Variants in SPATS2L observed in about 807,000 individuals in gnomAD.
The protein encoded by SPATS2L is SPATS2-like protein.
Under a neutral mutation model 59.6 loss-of-function variants are expected in SPATS2L, and 30 were observed. That is an observed-to-expected ratio of 0.50 (90% CI 0.38 to 0.68). The LOEUF is 0.68. SPATS2L is among the 30% of genes least tolerant of loss of function. The pLI is 0.00. For missense variants in SPATS2L, 615 were observed against 700.0 expected (o/e 0.88, Z 1.37); for synonymous variants, 252 against 263.5 (o/e 0.96, Z 0.42).
chr2:200,313,996 C>G (rs2079277830), intron 1 of SPATS2L, among the ~76,000 whole-genome samples: 1 of 152,204 alleles, frequency 6.6e-6, no homozygotes, highest in South Asian at 2.1e-4. Context: ...TTAGCCTCCC[C>G]TACAGTTCAG....
intron 2 of SPATS2L, among the ~76,000 whole-genome samples, chr2:200,340,599 GCTGTGGAGAGGCACAGCC>G (rs1268243411): frequency 1.3e-5 from 2 of 152,066 alleles, no homozygotes; most frequent in Non-Finnish European, 2.9e-5. Context: ...GGTGGGGAGG[GCTGTGGAGAGGCACAGCC>G]CTTTCTGCTC....
chr2:200,478,500 T>C lies in SPATS2L; in HGVS notation c.*469T>C, dbSNP rs1004411135. On this transcript the variant is annotated 3_prime_UTR_variant, in exon 13 of 13. Coordinates refer to ENST00000409140, the MANE Select transcript of SPATS2L (RefSeq NM_001100423.2). ...AAATATATATACATATATTGCTTTA[T>C]TTGAAACAAATTAAAATATGCTGCA... The C allele has an allele frequency of 2.0e-5, 3 of 152,906 alleles. No homozygotes were observed. Among genetic ancestry groups the C allele is most frequent in the African/African-American group, 2.4e-5 (1 of 41,468 alleles). 9.5% of individuals were successfully genotyped at this position (152,906 alleles called of 1,614,324 possible).
chr2:200,345,223 A>G (rs908630728), intron 2 of SPATS2L, among the ~76,000 whole-genome samples: 2 of 152,176 alleles, frequency 1.3e-5, no homozygotes, highest in African/African-American at 2.4e-5. Context: ...TCTAAGTCTA[A>G]TCCATCTTGA....
At chr2:200,425,143 C>G (rs1005444685) in intron 6 of SPATS2L, among the ~76,000 whole-genome samples, 1 of 118,980 alleles carries the variant, frequency 8.4e-6, no homozygotes, top group Non-Finnish European at 1.8e-5. Context: ...CCCCCCCCCC[C>G]GCCATTTGTG....
intron 8 of SPATS2L, among the ~76,000 whole-genome samples, chr2:200,457,054 G>C (rs2085887007): frequency 6.6e-6 from 1 of 151,938 alleles, no homozygotes. Context: ...TTCAAAACAT[G>C]TCCTCAAGCA....
intron 1 of SPATS2L, among the ~76,000 whole-genome samples, chr2:200,326,304 A>G (rs2079740059): frequency 6.6e-6 from 1 of 152,182 alleles, no homozygotes; most frequent in African/African-American, 2.4e-5. Flanking sequence ...GCTGTTTTCC[A>G]TAATATATTC....
upstream of SPATS2L, chr2:200,306,323 G>C (rs780240774): frequency 4.0e-6 from 4 of 1,002,358 alleles, no homozygotes; most frequent in Non-Finnish European, 4.8e-6. Context: ...TGCAACACGT[G>C]CGGATTGTGA....
chr2:200,424,683 C>T (rs1440393641), intron 6 of SPATS2L, among the ~76,000 whole-genome samples: 2 of 152,102 alleles, frequency 1.3e-5, no homozygotes, highest in African/African-American at 4.8e-5. Flanking sequence ...CCACTTAGGC[C>T]AGAATAGGAA....
chr2:200,309,230 A>G, intron 1 of SPATS2L: 1 of 698,376 alleles, frequency 1.4e-6, no homozygotes, highest in Non-Finnish European at 2.6e-6. Flanking sequence ...GTGTGTTGAA[A>G]GGGCATAGGT....
intron 2 of SPATS2L, among the ~76,000 whole-genome samples, chr2:200,346,312 G>A (rs2080510309): frequency 6.6e-6 from 1 of 152,174 alleles, no homozygotes; most frequent in South Asian, 2.1e-4. Flanking sequence ...ACTTCTTGGG[G>A]AACATTAGAA....
intron 1 of SPATS2L, among the ~76,000 whole-genome samples, chr2:200,325,722 A>C (rs1454651266): frequency 6.6e-6 from 1 of 152,120 alleles, no homozygotes; most frequent in Non-Finnish European, 1.5e-5. Context: ...TGGGAAGGAG[A>C]GTGGAGTAGA....
chr2:200,314,803 G>A (rs2079311596), intron 1 of SPATS2L, among the ~76,000 whole-genome samples: 2 of 152,164 alleles, frequency 1.3e-5, no homozygotes, highest in East Asian at 1.9e-4. Flanking sequence ...TGAGATGTGC[G>A]TAAGTGTAAA....
chr2:200,447,942 T>C (rs1276501296), intron 8 of SPATS2L, among the ~76,000 whole-genome samples: 1 of 152,140 alleles, frequency 6.6e-6, no homozygotes, highest in Non-Finnish European at 1.5e-5. Flanking sequence ...AAATCAAGAG[T>C]TTGGCCAGCT....
At chr2:200,459,590 C>A (rs371522043) in intron 8 of SPATS2L, among the ~76,000 whole-genome samples, 179 bp from the exon 9 acceptor site, 11 of 152,034 alleles carry the variant, frequency 7.2e-5, no homozygotes, top group African/African-American at 2.4e-4. Context: ...TGGGAACATC[C>A]CTTCGATGTT....
intron 3 of SPATS2L, among the ~76,000 whole-genome samples, chr2:200,401,713 T>A (rs1209339093): frequency 6.6e-6 from 1 of 152,144 alleles, no homozygotes. Context: ...AATTTTTTTT[T>A]TAAGGAATGC....
At chr2:200,308,878 T>A in intron 1 of SPATS2L, 1 of 575,644 alleles carries the variant, frequency 1.7e-6, no homozygotes, top group East Asian at 2.8e-5. Context: ...TGTATTCATT[T>A]TGTTTTAGGG....
chr2:200,438,523 T>A (rs1042990517), intron 6 of SPATS2L, among the ~76,000 whole-genome samples: 5 of 152,194 alleles, frequency 3.3e-5, no homozygotes, highest in Non-Finnish European at 7.4e-5. Flanking sequence ...CCAGAGAGAA[T>A]CTGACTCCCT....
At chr2:200,437,308 T>G (rs1056782060) in intron 6 of SPATS2L, among the ~76,000 whole-genome samples, 1 of 152,200 alleles carries the variant, frequency 6.6e-6, no homozygotes, top group Non-Finnish European at 1.5e-5. Context: ...GTCATTGTTT[T>G]AACACAAATG....
chr2:200,477,785 C>A lies in SPATS2L; in HGVS notation c.1431C>A (p.Asn477Lys), dbSNP rs771168441. The change falls in exon 13 of 13, where the codon AAC (asparagine) becomes AAA (lysine). Residue 477 changes from asparagine (N) to lysine (K), a missense_variant. By Grantham distance (94) the Asn-to-Lys change is moderately conservative. This residue lies in a region of SPATS2L where 284 missense variants were observed against 280.1 expected (regional missense o/e 1.01). Coordinates refer to ENST00000409140, the MANE Select transcript of SPATS2L (RefSeq NM_001100423.2). ...SRHEHRRQPH[N>K]GFRPKNKGGA... ...ACGAACACAGAAGACAGCCGCACAACGGCTTCCGGCCCAAAAACAAAGGCG... is the reference window on the plus strand; with the variant it reads ...ACGAACACAGAAGACAGCCGCACAAAGGCTTCCGGCCCAAAAACAAAGGCG... 6.3e-7 allele frequency: 1 copy of A among 1,577,428 alleles called. No homozygotes were observed. The highest frequency in any genetic ancestry group is 1.9e-5 in the Admixed American group (1 of 54,012).
Sources: gnomAD v4.1 joint callset for allele counts (sites outside exome capture counted in the v4.1 genomes callset) on GRCh38, gnomAD v4.1.1 for gene constraint, gnomAD v4.1.1 regional missense constraint, MANE v1.5 for transcripts, NCBI Gene and HGNC (gene_info 2026-07-23, HGNC 2026-07-21) for gene names.